The following LOXHD1 variants were observed in gnomAD, a reference collection of about 807,000 sequenced individuals.
LOXHD1 encodes lipoxygenase homology PLAT domains 1, also known as lipoxygenase homology domain-containing protein 1.
In LOXHD1, 205 loss-of-function variants were observed where a neutral mutation model predicts 248.2. That is an observed-to-expected ratio of 0.83 (90% CI 0.74 to 0.93). LOXHD1 has a LOEUF of 0.93. LOXHD1 is among the 40% of genes least tolerant of loss of function. The probability of loss-of-function intolerance (pLI) is 0.00; values close to 1 mark genes in which losing one functional copy is unlikely to be tolerated. For missense variants in LOXHD1, 2,930 were observed against 2,971.6 expected (o/e 0.99, Z 0.33); for synonymous variants, 1,113 against 1,162.8 (o/e 0.96, Z 0.87).
At chr18:46,506,220 T>G (rs560124359) in intron 36 of LOXHD1, among the ~76,000 whole-genome samples, 197 bp from the exon 37 acceptor site, 1 of 152,190 alleles carries the variant, frequency 6.6e-6, no homozygotes, top group Non-Finnish European at 1.5e-5. Flanking sequence ...ATCTTATCTT[T>G]GTGCCTTACA....
chr18:46,478,266 G>C (rs2032209478), intron 40 of LOXHD1, among the ~76,000 whole-genome samples: 1 of 151,906 alleles, frequency 6.6e-6, no homozygotes, highest in Admixed American at 6.6e-5. Flanking sequence ...GGCCAGGCTG[G>C]TCTGGAACTC....
At chr18:46,506,551 C>A (rs941102169) in intron 36 of LOXHD1, among the ~76,000 whole-genome samples, 1 of 152,190 alleles carries the variant, frequency 6.6e-6, no homozygotes, top group Non-Finnish European at 1.5e-5. Context: ...TGACACACAT[C>A]TGTGGTTATC....
rs2034811257 is a variant in LOXHD1 at position 46,509,492 on chromosome 18, T to G, written c.5517+206A>C. 3 of 619,780 alleles carry G rather than the reference T, an allele frequency of 4.8e-6. No homozygotes were observed. In the Admixed American group the frequency reaches 7.3e-5, roughly 15 times the overall value. 38.4% of individuals were successfully genotyped at this position (619,780 alleles called of 1,614,324 possible). On this transcript the variant is annotated intron_variant, in intron 35 of 40. Transcript: ENST00000642948. ...TCTTGTTTAATTACCTGACAGTTGCTTCAGTTCTCACTGGACACAAATAAA... is the reference window on the plus strand; with the variant it reads ...TCTTGTTTAATTACCTGACAGTTGCGTCAGTTCTCACTGGACACAAATAAA...
At chr18:46,577,676 G>A in intron 14 of LOXHD1, 31 bp downstream of exon 14, 1 of 1,543,664 alleles carries the variant, frequency 6.5e-7, no homozygotes, top group South Asian at 1.2e-5. Context: ...ACCTAAGCTG[G>A]AGAAAACACC....
chr18:46,609,872 G>C (rs2038478296), intron 6 of LOXHD1, among the ~76,000 whole-genome samples: 1 of 152,186 alleles, frequency 6.6e-6, no homozygotes, highest in South Asian at 2.1e-4. Flanking sequence ...TTCAAAATCA[G>C]GGCAAGGCCA....
At chr18:46,497,383 T>C (rs2033940248) in intron 37 of LOXHD1, among the ~76,000 whole-genome samples, 2 of 152,110 alleles carry the variant, frequency 1.3e-5, no homozygotes, top group Admixed American at 1.3e-4. Context: ...ATGGAAGGAA[T>C]TGGCTGATTG....
chr18:46,590,229 G>C lies in LOXHD1; in HGVS notation c.1654+1704C>G, dbSNP rs114265797. On this transcript the variant is annotated intron_variant, in intron 12 of 40. Transcript: ENST00000642948. ...ACTAACTGAATTAGAAACTCTGCAA[G>C]TGGAGCCCAGGAATCCGTGTTTTAA... is the stretch of plus-strand genomic sequence containing the variant. Among the ~76,000 whole-genome samples, 478 of 152,238 alleles carry C rather than the reference G, an allele frequency of 3.1e-3. 2 individuals are homozygous for C. Among genetic ancestry groups the C allele is most frequent in the African/African-American group, 0.011 (452 of 41,518 alleles).
At chr18:46,553,078 C>T (rs766886069) in intron 21 of LOXHD1, among the ~76,000 whole-genome samples, 1 of 152,244 alleles carries the variant, frequency 6.6e-6, no homozygotes, top group Non-Finnish European at 1.5e-5. Context: ...ACCACTGTCA[C>T]TGTGCCTTGT....
chr18:46,503,086 C>A (rs962505270), intron 37 of LOXHD1, among the ~76,000 whole-genome samples: 1 of 152,130 alleles, frequency 6.6e-6, no homozygotes, highest in Non-Finnish European at 1.5e-5. Context: ...CTGTTATAAG[C>A]AGTTTTGAAG....
intron 21 of LOXHD1, 45 bp from the exon 22 acceptor site, chr18:46,547,103 G>T: frequency 6.5e-7 from 1 of 1,550,020 alleles, no homozygotes; most frequent in African/African-American, 1.4e-5. Flanking sequence ...TCTTAGAAAG[G>T]TCTCGTCCAG....
intron 37 of LOXHD1, among the ~76,000 whole-genome samples, chr18:46,496,603 T>A (rs371973187): frequency 6.6e-6 from 1 of 152,218 alleles, no homozygotes; most frequent in Non-Finnish European, 1.5e-5. Flanking sequence ...ACATTTAAAC[T>A]TCCATCTCTG....
chr18:46,593,465 G>T, intron 10 of LOXHD1, 135 bp downstream of exon 10: 3 of 906,602 alleles, frequency 3.3e-6, no homozygotes, highest in Non-Finnish European at 5.0e-6. Context: ...CCTTTGCAGG[G>T]ACCTAAAATC....
chr18:46,534,534 C>A, intron 26 of LOXHD1, 83 bp from the exon 27 acceptor site: 1 of 1,015,906 alleles, frequency 9.8e-7, no homozygotes, highest in Non-Finnish European at 1.5e-6. Flanking sequence ...TTCCCCAGGG[C>A]ATCCACCCTG....
chr18:46,569,233 T>G (rs2037702584), intron 16 of LOXHD1, among the ~76,000 whole-genome samples: 1 of 152,222 alleles, frequency 6.6e-6, no homozygotes, highest in Non-Finnish European at 1.5e-5. Flanking sequence ...TGTTTACATA[T>G]CTTCAGCTGC....
At chr18:46,487,116 G>A (rs1475377578) in intron 38 of LOXHD1, among the ~76,000 whole-genome samples, 1 of 152,166 alleles carries the variant, frequency 6.6e-6, no homozygotes, top group Non-Finnish European at 1.5e-5. Context: ...CCAAGGACAA[G>A]CCCTACTAGA....
intron 21 of LOXHD1, among the ~76,000 whole-genome samples, chr18:46,549,632 G>T (rs1347138981): frequency 6.6e-6 from 1 of 152,174 alleles, no homozygotes; most frequent in African/African-American, 2.4e-5. Flanking sequence ...GGACCTCTAG[G>T]ATCCCTGGAG....
At chr18:46,636,633 A>T (rs537693341) in intron 4 of LOXHD1, among the ~76,000 whole-genome samples, 2 of 152,222 alleles carry the variant, frequency 1.3e-5, no homozygotes, top group South Asian at 4.2e-4. Flanking sequence ...AGTCTGTCCC[A>T]CTTTGGGGGC....
rs142080253 is a variant in LOXHD1, at chr18:46,547,879, G to A, written c.3351-821C>T. On this transcript the variant is annotated intron_variant, in intron 21 of 40. Coordinates refer to ENST00000642948, the MANE Select transcript of LOXHD1 (RefSeq NM_001384474.1). ...GTGTCCTATCTAATATTTGAGTCAT[G>A]CTTATACAAAAACATTATTCATTGC... Among the ~76,000 whole-genome samples the A allele has an allele frequency of 7.2e-3, 1,092 of 152,276 alleles. 3 individuals carry two copies. Among genetic ancestry groups the A allele is most frequent in the Non-Finnish European group, 0.012 (813 of 68,022 alleles).
chr18:46,564,334 G>A (rs1411915323), intron 17 of LOXHD1, among the ~76,000 whole-genome samples: 2 of 151,934 alleles, frequency 1.3e-5, no homozygotes, highest in Admixed American at 6.6e-5. Context: ...GATCAGCCTG[G>A]GCAACACAAC....
Sources: allele counts gnomAD v4.1 joint callset (sites outside exome capture counted in the v4.1 genomes callset), GRCh38; gene constraint gnomAD v4.1.1; transcripts MANE v1.5; gene names NCBI Gene and HGNC (gene_info 2026-07-23, HGNC 2026-07-21).